CHCHD6: variants seen among roughly 807,000 people sequenced by gnomAD.
CHCHD6 encodes MICOS complex subunit MIC25.
CHCHD6 carries 28 observed loss-of-function variants against 32.3 expected under a neutral mutation model. The observed-to-expected ratio is 0.87, with a 90% CI of 0.64 to 1.19. The LOEUF (loss-of-function observed/expected upper bound fraction) is 1.19, where lower values mean the gene tolerates loss of function less well. Ranked by LOEUF, CHCHD6 falls within the 50% of genes most tolerant of loss-of-function variation. The pLI, the probability that CHCHD6 is intolerant of heterozygous loss-of-function variation, is 0.00. For missense variants in CHCHD6, 333 were observed against 307.0 expected (o/e 1.08, Z -0.63); for synonymous variants, 122 against 117.5 (o/e 1.04, Z -0.25).
chr3:126,879,294 A>T (rs1400361762), intron 5 of CHCHD6, among the ~76,000 whole-genome samples: 1 of 152,164 alleles, frequency 6.6e-6, no homozygotes, highest in Non-Finnish European at 1.5e-5. Context: ...TAGAGTTAGG[A>T]CATGTGGGTT....
At chr3:126,932,239 C>T (rs1559929759) in intron 6 of CHCHD6, among the ~76,000 whole-genome samples, 1 of 152,198 alleles carries the variant, frequency 6.6e-6, no homozygotes, top group Non-Finnish European at 1.5e-5. Context: ...TGCCAGTGTG[C>T]TGTGACCCTG....
At chr3:126,945,309 G>A (rs1287082508) in intron 6 of CHCHD6, among the ~76,000 whole-genome samples, 3 of 152,030 alleles carry the variant, frequency 2.0e-5, no homozygotes, top group Admixed American at 6.5e-5. Flanking sequence ...GCCTGTGGGG[G>A]GCGCCATCCT....
At chr3:126,791,234 T>C (rs1022973398) in intron 4 of CHCHD6, among the ~76,000 whole-genome samples, 7 of 151,938 alleles carry the variant, frequency 4.6e-5, no homozygotes, top group Non-Finnish European at 8.8e-5. Context: ...TCTGCCCCTA[T>C]TGGGGGGTGC....
chr3:126,858,287 T>C (rs1028203697), intron 5 of CHCHD6, among the ~76,000 whole-genome samples: 8 of 21,250 alleles, frequency 3.8e-4, no homozygotes, highest in African/African-American at 1.5e-3. Context: ...GCAGGGGTCA[T>C]GTGGTGGCAG....
At chr3:126,841,602 G>T (rs979301882) in intron 4 of CHCHD6, among the ~76,000 whole-genome samples, 1 of 152,012 alleles carries the variant, frequency 6.6e-6, no homozygotes, top group Non-Finnish European at 1.5e-5. Flanking sequence ...TAGTGCCTTA[G>T]TACTCAAAGT....
chr3:126,910,994 A>G (rs1489038359), intron 5 of CHCHD6, among the ~76,000 whole-genome samples: 1 of 151,996 alleles, frequency 6.6e-6, no homozygotes, highest in African/African-American at 2.4e-5. Context: ...TTCACCACAC[A>G]CCCTCCATGC....
At chr3:126,733,311 A>T in intron 4 of CHCHD6, 89 bp downstream of exon 4, 1 of 1,296,760 alleles carries the variant, frequency 7.7e-7, no homozygotes, top group Non-Finnish European at 1.1e-6. Context: ...GTTAGTCTGA[A>T]GCCCTGCTGG....
chr3:126,711,999 C>A (rs546967274), intron 1 of CHCHD6, among the ~76,000 whole-genome samples: 8 of 152,356 alleles, frequency 5.3e-5, no homozygotes, highest in African/African-American at 1.7e-4. Context: ...CATTAGAAAA[C>A]AAGGTAAAGC....
chr3:126,909,681 G>A (rs1048161715), intron 5 of CHCHD6, among the ~76,000 whole-genome samples: 2 of 152,222 alleles, frequency 1.3e-5, no homozygotes, highest in African/African-American at 4.8e-5. Flanking sequence ...AGGGGCAGCT[G>A]TCTACAGGGC....
At chr3:126,813,624 C>A (rs1368995800) in intron 4 of CHCHD6, among the ~76,000 whole-genome samples, 1 of 152,194 alleles carries the variant, frequency 6.6e-6, no homozygotes, top group Non-Finnish European at 1.5e-5. Flanking sequence ...CAACAATGAG[C>A]AGAGGCTTTG....
At chr3:126,953,719 A>G (rs549813329) in intron 6 of CHCHD6, among the ~76,000 whole-genome samples, 48 of 152,226 alleles carry the variant, frequency 3.2e-4, no homozygotes, top group Non-Finnish European at 6.3e-4. Flanking sequence ...CCATACACCA[A>G]TGCGAATGGT....
At chr3:126,955,816 C>T (rs2078775681) in intron 6 of CHCHD6, among the ~76,000 whole-genome samples, 1 of 152,012 alleles carries the variant, frequency 6.6e-6, no homozygotes, top group African/African-American at 2.4e-5. Context: ...GAGCATTGTC[C>T]CGCGTAGTCA....
chr3:126,946,848 C>A (rs1050892167), intron 6 of CHCHD6, among the ~76,000 whole-genome samples: 2 of 152,192 alleles, frequency 1.3e-5, no homozygotes, highest in Non-Finnish European at 2.9e-5. Context: ...ATGTATTCAC[C>A]CCCCTGCTGA....
intron 1 of CHCHD6, among the ~76,000 whole-genome samples, chr3:126,713,498 C>G (rs1934859706): frequency 6.6e-6 from 1 of 152,210 alleles, no homozygotes; most frequent in Non-Finnish European, 1.5e-5. Context: ...CTGCGGGACC[C>G]TAAGCTGCTT....
intron 6 of CHCHD6, among the ~76,000 whole-genome samples, chr3:126,917,401 G>A (rs763829303): frequency 5.3e-5 from 8 of 152,308 alleles, no homozygotes; most frequent in Middle Eastern, 3.4e-3. Flanking sequence ...CTGCCTGGAC[G>A]TAAGATGGCA....
intron 4 of CHCHD6, among the ~76,000 whole-genome samples, chr3:126,778,082 A>C (rs538705792): frequency 6.6e-6 from 1 of 152,338 alleles, no homozygotes; most frequent in East Asian, 1.9e-4. Context: ...AGATTCACCT[A>C]TGCTGTAGCA....
chr3:126,834,827 C>T (rs1022370830), intron 4 of CHCHD6, among the ~76,000 whole-genome samples: 1 of 152,098 alleles, frequency 6.6e-6, no homozygotes, highest in African/African-American at 2.4e-5. Flanking sequence ...CTGAAGGAAG[C>T]GTTGGCTGGG....
intron 4 of CHCHD6, among the ~76,000 whole-genome samples, chr3:126,750,755 C>G (rs1181204763): frequency 1.3e-5 from 2 of 152,232 alleles, no homozygotes; most frequent in African/African-American, 4.8e-5. Flanking sequence ...CCTGAACTTC[C>G]TTGTTTCCCA....
intron 4 of CHCHD6, among the ~76,000 whole-genome samples, chr3:126,807,669 C>T (rs528403657): frequency 1.3e-4 from 20 of 152,302 alleles, no homozygotes; most frequent in African/African-American, 2.4e-4. Context: ...CCCGTTAGTT[C>T]GTAGCCCATT....
Sources: gnomAD v4.1 joint callset for allele counts (sites outside exome capture counted in the v4.1 genomes callset) on GRCh38, gnomAD v4.1.1 for gene constraint, MANE v1.5 for transcripts, NCBI Gene and HGNC (gene_info 2026-07-23, HGNC 2026-07-21) for gene names.